CCDC14: variants seen among roughly 807,000 people sequenced by gnomAD.
CCDC14 encodes coiled-coil domain-containing protein 14.
Under a neutral mutation model 81.4 loss-of-function variants are expected in CCDC14, and 71 were observed. The ratio of observed to expected loss-of-function variants is 0.87; its 90% CI spans 0.72 to 1.06. The LOEUF (loss-of-function observed/expected upper bound fraction) is 1.06. Among genes scored for constraint, CCDC14 ranks in the 50% least tolerant of loss-of-function variants. The pLI is 0.00. For synonymous variants in CCDC14, 332 were observed against 364.8 expected (o/e 0.91, Z 1.03); for missense variants, 1,046 against 1,047.3 (o/e 1.00, Z 0.02).
chr3:123,895,421 G>A (rs1449780789), downstream of CCDC14, among the ~76,000 whole-genome samples: 1 of 152,218 alleles, frequency 6.6e-6, no homozygotes, highest in Non-Finnish European at 1.5e-5. Flanking sequence ...CTTAGCTCAT[G>A]AATGTACTAA....
Position 123,944,931 on chromosome 3 carries a change from T to C in CCDC14, c.1261A>G (p.Thr421Ala). 1 of 1,610,504 alleles carries C rather than the reference T, an allele frequency of 6.2e-7. No individual in the cohort carries two copies. The highest frequency in any genetic ancestry group is 8.5e-7 in the Non-Finnish European group (1 of 1,177,170). ...EMEACISVLP[T>A]VSGNTDIQVE... is the part of the protein sequence containing the mutation. Reference sequence around the variant, plus strand: ...TGAATATCTGTGTTTCCACTTACTGTTGGAAGTACAGATATACATGCCTCC... The same window carrying C: ...TGAATATCTGTGTTTCCACTTACTGCTGGAAGTACAGATATACATGCCTCC... Residue 421 changes from threonine to alanine, a missense_variant, in exon 9 of 13, where the codon ACA becomes GCA. By Grantham distance (58) the Thr-to-Ala change is moderately conservative. Transcript: ENST00000409697.
intron 5 of CCDC14, among the ~76,000 whole-genome samples, chr3:123,902,983 G>A (rs1002485400): frequency 2.6e-5 from 4 of 151,846 alleles, no homozygotes; most frequent in Admixed American, 1.3e-4. Flanking sequence ...TCCACCCACC[G>A]ACAGGCCCCA....
chr3:123,893,188 T>A (rs2148751735), downstream of CCDC14, among the ~76,000 whole-genome samples: 1 of 152,336 alleles, frequency 6.6e-6, no homozygotes. Context: ...CAGACTTTTG[T>A]CATAATCCCA....
chr3:123,915,556 A>T lies in CCDC14; in HGVS notation c.1941T>A (p.Asn647Lys), dbSNP rs1482674870. Residue 647 changes from asparagine (N) to lysine (K), a missense_variant, in exon 13 of 13, where the codon AAT (asparagine) becomes AAA (lysine). Asn to Lys is a moderately conservative substitution (Grantham distance 94). Coordinates refer to ENST00000409697, the MANE Select transcript of CCDC14 (RefSeq NM_001366335.1). The stretch of plus-strand genomic sequence containing the variant: ...TAAAACTGTAATTTGTTTCTAACTT[A>T]TTTAGATAGCTCATTATGGAAGTGT... ...PAHTSIMSYL[N>K]KLETNYSFTH... 1 of 1,613,890 alleles carries T rather than the reference A, an allele frequency of 6.2e-7. No homozygotes were observed. Among genetic ancestry groups the T allele is most frequent in the African/African-American group, 1.3e-5 (1 of 74,928 alleles).
In CCDC14 at chr3:123,961,187, A is replaced by C; in HGVS notation, c.-14T>G. The C allele has an allele frequency of 6.4e-7, 1 of 1,551,628 alleles. No individual in the cohort carries two copies. Among genetic ancestry groups the C allele is most frequent in the Non-Finnish European group, 8.7e-7 (1 of 1,146,992 alleles). ...AGACCTGACCATCTCTCGCCGCCTC[A>C]GAGAAGCCCAGACCGAGGGAAGTGA... On this transcript the variant is annotated 5_prime_UTR_variant, in exon 1 of 13. Coordinates refer to ENST00000409697, the MANE Select transcript of CCDC14 (RefSeq NM_001366335.1).
rs1379362800 is a variant in CCDC14 at position 123,947,041 on chromosome 3, A to C, written c.963T>G (p.Ser321Arg). 1.2e-6 allele frequency: 2 copies of C among 1,613,976 alleles called. No homozygotes were observed. The highest frequency in any genetic ancestry group is 1.7e-6 in the Non-Finnish European group (2 of 1,179,872). ...RSHGKETHLDSQTHRSPTQSQ... is the reference protein window; with the variant it reads ...RSHGKETHLDRQTHRSPTQSQ... ...ACTGAGTAGGGCTTCGGTGTGTCTG[A>C]CTGTCCAGATGCGTTTCTTTTCCAT... is the stretch of plus-strand genomic sequence containing the variant. The change falls in exon 8 of 13, where the codon AGT (serine) becomes AGG (arginine). Residue 321 changes from serine to arginine, a missense_variant. By Grantham distance (110) the Ser-to-Arg change is moderately radical. Transcript: ENST00000409697.
chr3:123,954,134 C>T (rs2037197238), intron 5 of CCDC14: 1 of 152,156 alleles, frequency 6.6e-6, no homozygotes, highest in Admixed American at 6.5e-5. Context: ...AAGAAATAAC[C>T]TGCCTACAGA....
chr3:123,933,056 A>G (rs2035834632), intron 10 of CCDC14, among the ~76,000 whole-genome samples: 1 of 152,094 alleles, frequency 6.6e-6, no homozygotes. Flanking sequence ...ACACGATCGC[A>G]CCACTGCACT....
At chr3:123,923,654 C>CA (rs1334259623) in intron 12 of CCDC14, among the ~76,000 whole-genome samples, 1 of 151,210 alleles carries the variant, frequency 6.6e-6, no homozygotes, top group Non-Finnish European at 1.5e-5. Context: ...AAACAAGCAA[C>CA]AAAAAACAAA....
In CCDC14 at chr3:123,955,826, A is replaced by G. The variant is rs2037289717; in HGVS notation, c.352+17T>C. On this transcript the variant is annotated intron_variant, in intron 5 of 12. Transcript: ENST00000409697. Reference sequence around the variant, plus strand: ...ATTAAGGATTATCTTTAAATAACTAAGAGAAAAAAGGCTTACATGTTTCTT... The same window carrying G: ...ATTAAGGATTATCTTTAAATAACTAGGAGAAAAAAGGCTTACATGTTTCTT... The G allele has an allele frequency of 1.3e-6, 2 of 1,486,828 alleles. No homozygotes were observed. Among genetic ancestry groups the G allele is most frequent in the South Asian group, 2.6e-5 (2 of 76,178 alleles). The allele number at this position is 1,486,828 out of a possible 1,614,324, so 92.1% of individuals were successfully genotyped here. A position where few individuals can be genotyped will look rare whatever the true frequency, so the allele number is the denominator to read the frequency against.
chr3:123,929,071 GA>G (rs1320570533), intron 12 of CCDC14, among the ~76,000 whole-genome samples: 2 of 152,130 alleles, frequency 1.3e-5, no homozygotes, highest in Non-Finnish European at 1.5e-5. Context: ...AAGATTGTGA[GA>G]AGGAAGGAAA....
At chr3:123,933,454 T>C (rs2035864647) in intron 10 of CCDC14, 2 of 526,208 alleles carry the variant, frequency 3.8e-6, no homozygotes, top group Non-Finnish European at 6.7e-6. Context: ...ATCAATTATA[T>C]ATGAAGAGAA....
downstream of CCDC14, chr3:123,897,218 G>A (rs1310733118): frequency 6.6e-6 from 1 of 152,050 alleles, no homozygotes; most frequent in Non-Finnish European, 1.5e-5. Context: ...ATTATAGAAG[G>A]TAGAAAATAA....
At chr3:123,920,389 A>G (rs1197944228) in intron 12 of CCDC14, among the ~76,000 whole-genome samples, 1 of 152,222 alleles carries the variant, frequency 6.6e-6, no homozygotes, top group East Asian at 1.9e-4. Flanking sequence ...ATATTCAGGT[A>G]CAGGACGCTC....
intron 1 of CCDC14, among the ~76,000 whole-genome samples, chr3:123,959,261 T>C (rs940290825): frequency 6.6e-6 from 1 of 152,216 alleles, no homozygotes; most frequent in African/African-American, 2.4e-5. Flanking sequence ...CCACTGACAG[T>C]GTACAAGGGT....
Position 123,955,838 on chromosome 3 carries a change from C to A in CCDC14, c.352+5G>T. ...CTTTAAATAACTAAGAGAAAAAAGG[C>A]TTACATGTTTCTTTCTGGACTACCA... is the stretch of plus-strand genomic sequence containing the variant. On this transcript the variant is annotated splice_donor_5th_base_variant and intron_variant, in intron 5 of 12. Coordinates refer to ENST00000409697, the MANE Select transcript of CCDC14 (RefSeq NM_001366335.1). 6.7e-7 allele frequency: 1 copy of A among 1,503,054 alleles called. No individual in the cohort carries two copies. Among genetic ancestry groups the A allele is most frequent in the Admixed American group, 2.4e-5 (1 of 40,942 alleles). 93.1% of individuals were successfully genotyped at this position (1,503,054 alleles called of 1,614,324 possible).
At chr3:123,934,667 T>C (rs1026230314) in intron 9 of CCDC14, among the ~76,000 whole-genome samples, 2 of 152,204 alleles carry the variant, frequency 1.3e-5, no homozygotes, top group Non-Finnish European at 2.9e-5. Context: ...AATAGAAACA[T>C]ATGCAAGTGT....
chr3:123,951,909 T>G (rs1039273146), intron 5 of CCDC14, among the ~76,000 whole-genome samples: 1 of 152,188 alleles, frequency 6.6e-6, no homozygotes, highest in Non-Finnish European at 1.5e-5. Context: ...TTGAGTAACT[T>G]TACTTAACGA....
At chr3:123,921,342 T>C (rs770011835) in intron 12 of CCDC14, among the ~76,000 whole-genome samples, 1 of 152,122 alleles carries the variant, frequency 6.6e-6, no homozygotes, top group African/African-American at 2.4e-5. Context: ...TGGAAAAATA[T>C]ATTCCATAGG....
Sources: gnomAD v4.1 joint callset for allele counts (sites outside exome capture counted in the v4.1 genomes callset) on GRCh38, gnomAD v4.1.1 for gene constraint, MANE v1.5 for transcripts, NCBI Gene and HGNC (gene_info 2026-07-23, HGNC 2026-07-21) for gene names.